Variants in WDR86 observed in about 807,000 individuals in gnomAD.
The protein encoded by WDR86 is WD repeat-containing protein 86.
A neutral mutation model predicts 36.5 loss-of-function variants in WDR86; 30 were observed. The observed-to-expected ratio is 0.82, with a 90% CI of 0.61 to 1.11. The LOEUF (loss-of-function observed/expected upper bound fraction) is 1.11. Among genes scored for constraint, WDR86 ranks in the 50% most tolerant of loss-of-function variants. WDR86 has a pLI of 0.00. For synonymous variants in WDR86, 255 were observed against 252.9 expected (o/e 1.01, Z -0.08); for missense variants, 545 against 561.2 (o/e 0.97, Z 0.29).
chr7:151,403,054 T>C (rs7780320), intron 1 of WDR86, among the ~76,000 whole-genome samples: 51,850 of 151,902 alleles, frequency 0.34, 10,237 homozygotes, highest in African/African-American at 0.55. Flanking sequence ...GCAATCCTCC[T>C]GCATACTTCA....
chr7:151,374,944 G>A (rs1042173606), downstream of WDR86, among the ~76,000 whole-genome samples: 1 of 151,582 alleles, frequency 6.6e-6, no homozygotes, highest in African/African-American at 2.4e-5. Flanking sequence ...CAGCAGTCCA[G>A]ACAGATGCTG....
chr7:151,409,264 A>C lies in WDR86; in HGVS notation c.163+163T>G, dbSNP rs1420392392. 1.5e-5 allele frequency: 18 copies of C among 1,227,840 alleles called. No individual in the cohort carries two copies. The highest frequency in any genetic ancestry group is 1.7e-5 in the Non-Finnish European group (15 of 879,474). 76.1% of individuals were successfully genotyped at this position (1,227,840 alleles called of 1,614,324 possible). On this transcript the variant is annotated intron_variant, in intron 1 of 5. Coordinates refer to ENST00000334493, the MANE Select transcript of WDR86 (RefSeq NM_198285.3). This position sits in a 1 kb window ranked among gnomAD's most constrained non-coding sequence, Gnocchi z 5.2. The stretch of plus-strand genomic sequence containing the variant: ...CCTCACCCTGCCCTGCCGTGCGCTC[A>C]ACAGCCAGATGCTGGGCCCAGACAA...
Position 151,385,032 on chromosome 7 carries a change from C to T in WDR86, c.862+56G>A, listed in dbSNP as rs139857754. On this transcript the variant is annotated intron_variant, in intron 4 of 5. Transcript: ENST00000334493. ...GAAAATCCCATAGGAAGTAAAGAAG[C>T]AGAGAGGAGAAGCCAGGCTGGGGTG... is the stretch of plus-strand genomic sequence containing the variant. 1.3e-4 allele frequency: 198 copies of T among 1,516,350 alleles called. No individual in the cohort carries two copies. The African/African-American group carries it at 2.5e-3, about 19-fold the overall frequency. The allele number at this position is 1,516,350 out of a possible 1,614,324, so 93.9% of individuals were successfully genotyped here.
chr7:151,409,666 C>T lies in WDR86; in HGVS notation c.-77G>A, dbSNP rs1013575731. The T allele has an allele frequency of 7.7e-7, 1 of 1,303,444 alleles. No homozygotes were observed. The allele number at this position is 1,303,444 out of a possible 1,614,324, so 80.7% of individuals were successfully genotyped here. A position where few individuals can be genotyped will look rare whatever the true frequency, so the allele number is the denominator to read the frequency against. The stretch of plus-strand genomic sequence containing the variant: ...CGCCCCGGGGTCCGCGCGGCGGCTC[C>T]GTACGACTGCGGCCCGCGGCCATCG... On this transcript the variant is annotated 5_prime_UTR_variant, in exon 1 of 6. Transcript: ENST00000334493. The surrounding 1 kb of genome is among the most constrained non-coding windows in gnomAD (Gnocchi z 5.2).
Position 151,381,631 on chromosome 7 carries a change from A to T in WDR86, c.1082T>A (p.Leu361His). Residue 361 changes from leucine to histidine, a missense_variant, in exon 6 of 6, where the codon CTC (leucine) becomes CAC (histidine). Physicochemically the swap from Leu to His is moderately conservative, Grantham distance 99. Transcript: ENST00000334493. The surrounding 1 kb of genome is among the most constrained non-coding windows in gnomAD (Gnocchi z 4.8). ...PPPPMRSLSRLFSNKVGCAAA... is the reference protein window; with the variant it reads ...PPPPMRSLSRHFSNKVGCAAA... Reference sequence around the variant, plus strand: ...GGCGCAGCCCACCTTGTTGCTGAAGAGCCGCGAGAGGCTGCGCATGGGCGG... The same window carrying T: ...GGCGCAGCCCACCTTGTTGCTGAAGTGCCGCGAGAGGCTGCGCATGGGCGG... 7.2e-7 allele frequency: 1 copy of T among 1,383,126 alleles called. No homozygotes were observed. 85.7% of individuals were successfully genotyped at this position (1,383,126 alleles called of 1,614,324 possible). A position where few individuals can be genotyped will look rare whatever the true frequency, so the allele number is the denominator to read the frequency against.
At chr7:151,376,446 G>A, downstream of WDR86, 2 of 597,206 alleles carry the variant, frequency 3.3e-6, no homozygotes, top group Non-Finnish European at 2.8e-6. Flanking sequence ...CCCGACTTGA[G>A]TCTTCCAAGC....
rs957283917 is a variant in WDR86, at chr7:151,388,872, A to C, written c.727-3649T>G. ...TAACCCCCACTGTGATAGCATTAGGAAGTAAAGTGGTTATGAGGGCCCGCC... is the reference window on the plus strand; with the variant it reads ...TAACCCCCACTGTGATAGCATTAGGCAGTAAAGTGGTTATGAGGGCCCGCC... On this transcript the variant is annotated intron_variant, in intron 3 of 5. Coordinates refer to ENST00000334493, the MANE Select transcript of WDR86 (RefSeq NM_198285.3). This position sits in a 1 kb window ranked among gnomAD's most constrained non-coding sequence, Gnocchi z 4.2. Among the ~76,000 whole-genome samples the C allele has an allele frequency of 1.3e-5, 2 of 151,962 alleles. No individual in the cohort carries two copies. Among genetic ancestry groups the C allele is most frequent in the Non-Finnish European group, 2.9e-5 (2 of 67,968 alleles).
chr7:151,381,154 C>G lies in WDR86; in HGVS notation c.*428G>C. The G allele has an allele frequency of 8.0e-7, 1 of 1,243,072 alleles. No homozygotes were observed. The highest frequency in any genetic ancestry group is 1.0e-6 in the Non-Finnish European group (1 of 995,692). 77.0% of individuals were successfully genotyped at this position (1,243,072 alleles called of 1,614,324 possible). ...ACGTTCAGGCTGTATATTTCAGTTC[C>G]CCCCAAGGCCCTCGAGACGGACGAT... On this transcript the variant is annotated 3_prime_UTR_variant, in exon 6 of 6. Transcript: ENST00000334493. This position sits in a 1 kb window ranked among gnomAD's most constrained non-coding sequence, Gnocchi z 4.8.
Position 151,409,249 on chromosome 7 carries a change from C to A in WDR86, c.163+178G>T. ...CACCCCACCCCCAGACCTCACCCTG[C>A]CCTGCCGTGCGCTCAACAGCCAGAT... On this transcript the variant is annotated intron_variant, in intron 1 of 5. Coordinates refer to ENST00000334493, the MANE Select transcript of WDR86 (RefSeq NM_198285.3). The surrounding 1 kb of genome is among the most constrained non-coding windows in gnomAD (Gnocchi z 5.2). 8.9e-7 allele frequency: 1 copy of A among 1,120,548 alleles called. No individual in the cohort carries two copies. The highest frequency in any genetic ancestry group is 1.3e-6 in the Non-Finnish European group (1 of 781,176). 69.4% of individuals were successfully genotyped at this position (1,120,548 alleles called of 1,614,324 possible).
downstream of WDR86, chr7:151,376,590 G>A (rs1798275298): frequency 1.3e-6 from 2 of 1,538,404 alleles, no homozygotes; most frequent in Non-Finnish European, 1.8e-6. Context: ...GGTGGCAGAA[G>A]AGGCGCCAGG....
chr7:151,395,024 C>T (rs1799708152), intron 3 of WDR86, among the ~76,000 whole-genome samples: 1 of 152,206 alleles, frequency 6.6e-6, no homozygotes, highest in Non-Finnish European at 1.5e-5. Flanking sequence ...GAAACTGAGG[C>T]CCACAGAGGC....
chr7:151,404,621 A>C (rs963128933), intron 1 of WDR86, among the ~76,000 whole-genome samples: 1 of 152,204 alleles, frequency 6.6e-6, no homozygotes, highest in African/African-American at 2.4e-5. Flanking sequence ...TGGGCTCATC[A>C]CACCTCCAGG....
chr7:151,375,937 T>G, exon 2 of WDR86: 10 of 1,608,336 alleles, frequency 6.2e-6, no homozygotes, highest in Non-Finnish European at 6.8e-6. Context: ...AGGAAAACAT[T>G]GACCGAGTGA....
chr7:151,372,187 C>G (rs1797989540), downstream of WDR86, among the ~76,000 whole-genome samples: 1 of 152,218 alleles, frequency 6.6e-6, no homozygotes, highest in African/African-American at 2.4e-5. Context: ...TGTGACCATA[C>G]AGTGCCTCTC....
intron 1 of WDR86, chr7:151,408,898 C>T (rs754333258): frequency 3.2e-5 from 15 of 470,976 alleles, no homozygotes; most frequent in Middle Eastern, 3.3e-4. Flanking sequence ...TAACTCCCAG[C>T]CTGTTTCCAC....
In WDR86 at chr7:151,405,572, T is replaced by A. The variant is rs1800649451; in HGVS notation, c.163+3855A>T. Reference sequence around the variant, plus strand: ...CCAACAGCGTGGCTGGAATGGACACTGACGTGGCCACCAGAGACTTGTAGC... The same window carrying A: ...CCAACAGCGTGGCTGGAATGGACACAGACGTGGCCACCAGAGACTTGTAGC... On this transcript the variant is annotated intron_variant, in intron 1 of 5. Coordinates refer to ENST00000334493, the MANE Select transcript of WDR86 (RefSeq NM_198285.3). This position sits in a 1 kb window ranked among gnomAD's most constrained non-coding sequence, Gnocchi z 4.7. Among the ~76,000 whole-genome samples, 1 of 152,150 alleles carries A rather than the reference T, an allele frequency of 6.6e-6. No individual in the cohort carries two copies. Among genetic ancestry groups the A allele is most frequent in the Non-Finnish European group, 1.5e-5 (1 of 68,026 alleles).
intron 1 of WDR86, among the ~76,000 whole-genome samples, chr7:151,407,326 G>A (rs1800778498): frequency 6.6e-6 from 1 of 152,230 alleles, no homozygotes; most frequent in South Asian, 2.1e-4. Flanking sequence ...CACAGAGCTG[G>A]GCAGGAGGGT....
chr7:151,377,276 G>T, downstream of WDR86: 4 of 1,236,176 alleles, frequency 3.2e-6, no homozygotes, highest in Non-Finnish European at 1.1e-6. Flanking sequence ...CTATCATTAT[G>T]AAAAGGCTAA....
chr7:151,404,115 C>T (rs1424476055), intron 1 of WDR86, among the ~76,000 whole-genome samples: 1 of 152,138 alleles, frequency 6.6e-6, no homozygotes, highest in Non-Finnish European at 1.5e-5. Context: ...AATGAGGGAC[C>T]ACTTTATGAT....
Sources: allele counts gnomAD v4.1 joint callset (sites outside exome capture counted in the v4.1 genomes callset), GRCh38; gene constraint gnomAD v4.1.1; non-coding constraint Gnocchi (gnomAD v3.1); transcripts MANE v1.5; gene names NCBI Gene and HGNC (gene_info 2026-07-23, HGNC 2026-07-21).